ERG: variants seen among roughly 807,000 people sequenced by gnomAD.
The protein encoded by ERG is ETS transcription factor ERG.
In ERG, 9 loss-of-function variants were observed where a neutral mutation model predicts 55.3. The ratio of observed to expected loss-of-function variants is 0.16; its 90% confidence interval spans 0.10 to 0.28. The LOEUF (loss-of-function observed/expected upper bound fraction) is 0.28, where lower values mean the gene tolerates loss of function less well. Among genes scored for constraint, ERG ranks in the 10% least tolerant of loss-of-function variants. The probability of loss-of-function intolerance (pLI) is 1.00; values close to 1 mark genes in which losing one functional copy is unlikely to be tolerated. For synonymous variants in ERG, 223 were observed against 237.3 expected, an observed-to-expected ratio of 0.94 and a Z score of 0.55; for missense variants, 434 against 631.6, an observed-to-expected ratio of 0.69 and a Z score of 3.35.
chr21:38,588,527 G>A (rs2060080803), upstream of ERG, among the ~76,000 whole-genome samples: 1 of 152,142 alleles, frequency 6.6e-6, no homozygotes, highest in Non-Finnish European at 1.5e-5. Flanking sequence ...CAGCCATGGT[G>A]AGGCAGAAAG....
chr21:38,584,127 T>G (rs2060047472), intron 1 of ERG, among the ~76,000 whole-genome samples: 1 of 152,320 alleles, frequency 6.6e-6, no homozygotes, highest in African/African-American at 2.4e-5. Context: ...GGACTACTAT[T>G]CCTTCCACTG....
intron 2 of ERG, among the ~76,000 whole-genome samples, chr21:38,525,960 A>C (rs2212598): frequency 6.6e-6 from 1 of 152,176 alleles, no homozygotes; most frequent in Non-Finnish European, 1.5e-5. Context: ...CGTTTAAAAA[A>C]AATAATAATA....
At chr21:38,368,486 GA>G in the ERG span, among the ~76,000 whole-genome samples, 12 of 152,132 alleles carry the variant, frequency 7.9e-5, no homozygotes, top group Non-Finnish European at 1.5e-4. Context: ...GAATGCTCAT[GA>G]AAAAATTTCT....
Position 38,380,154 on chromosome 21 carries a change from C to T in ERG, c.*3249G>A. ...TTAAAAAATATTTTCTTCTCTTTCTCCAGGCAATGGGTCACTTTGGGGCGC... is the reference window on the plus strand; with the variant it reads ...TTAAAAAATATTTTCTTCTCTTTCTTCAGGCAATGGGTCACTTTGGGGCGC... On this transcript the variant is annotated 3_prime_UTR_variant, in exon 10 of 10. Transcript: ENST00000288319. 2 of 1,042,994 alleles carry T rather than the reference C, an allele frequency of 1.9e-6. No homozygotes were observed. Among genetic ancestry groups the T allele is most frequent in the Non-Finnish European group, 2.3e-6 (2 of 865,338 alleles). 64.6% of individuals were successfully genotyped at this position (1,042,994 alleles called of 1,614,324 possible). A position where few individuals can be genotyped will look rare whatever the true frequency, so the allele number is the denominator to read the frequency against.
At chr21:38,568,842 CATCAAG>C (rs1417501896) in intron 2 of ERG, among the ~76,000 whole-genome samples, 2 of 152,204 alleles carry the variant, frequency 1.3e-5, no homozygotes, top group Non-Finnish European at 2.9e-5. Context: ...CCCCCAGCCT[CATCAAG>C]CACCCGAGGG....
intron 1 of ERG, among the ~76,000 whole-genome samples, chr21:38,639,222 A>C (rs1156339162): frequency 6.6e-6 from 1 of 152,226 alleles, no homozygotes; most frequent in African/African-American, 2.4e-5. Context: ...ACAGTTTCCT[A>C]GTGAATTATT....
chr21:38,519,940 A>G (rs1227215002), intron 2 of ERG, among the ~76,000 whole-genome samples: 1 of 152,060 alleles, frequency 6.6e-6, no homozygotes, highest in Non-Finnish European at 1.5e-5. Flanking sequence ...CAGCTTGGAC[A>G]CTGAAAGCAT....
intron 1 of ERG, among the ~76,000 whole-genome samples, chr21:38,491,689 G>T (rs1689289710): frequency 1.3e-5 from 2 of 152,150 alleles, no homozygotes; most frequent in South Asian, 4.1e-4. Context: ...TTAATTCCAT[G>T]AACACCCTGC....
chr21:38,469,744 G>T (rs1393795254), intron 1 of ERG, among the ~76,000 whole-genome samples: 2 of 152,058 alleles, frequency 1.3e-5, no homozygotes, highest in Non-Finnish European at 2.9e-5. Flanking sequence ...AAATTCACAG[G>T]TTTATTGTCT....
At chr21:38,386,811 T>C (rs1987711195) in intron 9 of ERG, among the ~76,000 whole-genome samples, 1 of 151,980 alleles carries the variant, frequency 6.6e-6, no homozygotes, top group East Asian at 1.9e-4. Context: ...TACTCTCTCT[T>C]AATAACATCC....
At chr21:38,530,918 C>T (rs1165495201) in intron 2 of ERG, among the ~76,000 whole-genome samples, 1 of 152,174 alleles carries the variant, frequency 6.6e-6, no homozygotes, top group African/African-American at 2.4e-5. Context: ...CTCAAAAGGA[C>T]GAATAAAGTT....
At chr21:38,373,337 C>A in the ERG span, among the ~76,000 whole-genome samples, 1 of 152,198 alleles carries the variant, frequency 6.6e-6, no homozygotes, top group African/African-American at 2.4e-5. Context: ...AAAATTTCCC[C>A]AAGAACTTTG....
At chr21:38,486,220 A>G (rs1568843838) in intron 1 of ERG, among the ~76,000 whole-genome samples, 2 of 152,198 alleles carry the variant, frequency 1.3e-5, no homozygotes, top group Non-Finnish European at 1.5e-5. Flanking sequence ...GGTGTGAGCC[A>G]CCGCACCTGG....
chr21:38,384,575 T>A (rs188790044), intron 9 of ERG, among the ~76,000 whole-genome samples: 1,653 of 142,762 alleles, frequency 0.012, 32 homozygotes, highest in African/African-American at 0.044. Flanking sequence ...AGCTATATAT[T>A]TTTTTTTCCT....
At chr21:38,445,188 C>G (rs1291459112) in intron 2 of ERG, among the ~76,000 whole-genome samples, 1 of 145,334 alleles carries the variant, frequency 6.9e-6, no homozygotes, top group Non-Finnish European at 1.5e-5. Flanking sequence ...GTCGCCCAGG[C>G]TGGAGTGCAG....
chr21:38,535,185 A>G (rs951727065), intron 2 of ERG, among the ~76,000 whole-genome samples: 4 of 152,146 alleles, frequency 2.6e-5, no homozygotes, highest in Admixed American at 6.5e-5. Flanking sequence ...AGTCACAAAA[A>G]GACAAACAGT....
At chr21:38,434,223 A>G (rs919471460) in intron 2 of ERG, among the ~76,000 whole-genome samples, 1 of 152,156 alleles carries the variant, frequency 6.6e-6, no homozygotes, top group African/African-American at 2.4e-5. Flanking sequence ...CAGTGTCTCT[A>G]TTAACATGGG....
At chr21:38,407,634 G>GTGTA (rs1555894514) in intron 3 of ERG, among the ~76,000 whole-genome samples, 3 of 3,296 alleles carry the variant, frequency 9.1e-4, no homozygotes, top group African/African-American at 1.7e-3. Flanking sequence ...CTTACAAAAG[G>GTGTA]TATATATATA....
chr21:38,427,945 G>T (rs539879002), intron 2 of ERG, among the ~76,000 whole-genome samples: 1 of 152,280 alleles, frequency 6.6e-6, no homozygotes, highest in South Asian at 2.1e-4. Context: ...CCAGCATTTT[G>T]GGAGGCCAAG....
Sources: gnomAD v4.1 joint callset for allele counts (sites outside exome capture counted in the v4.1 genomes callset) on GRCh38, gnomAD v4.1.1 for gene constraint, MANE v1.5 for transcripts, NCBI Gene and HGNC (gene_info 2026-07-23, HGNC 2026-07-21) for gene names.